KATNAL2: variants seen among roughly 807,000 people sequenced by gnomAD.
KATNAL2 encodes the protein katanin p60 ATPase-containing subunit A-like 2.
Under a neutral mutation model 76.3 loss-of-function variants are expected in KATNAL2, and 52 were observed. That is an observed-to-expected ratio of 0.68 (90% confidence interval 0.55 to 0.86). The LOEUF (loss-of-function observed/expected upper bound fraction) is 0.86. Among genes scored for constraint, KATNAL2 ranks in the 40% least tolerant of loss-of-function variants. The pLI is 0.00. For synonymous variants in KATNAL2, 243 were observed against 244.2 expected (o/e 1.00, Z 0.05); for missense variants, 660 against 668.9 (o/e 0.99, Z 0.15).
At chr18:47,077,598 G>C (rs1255362185) in intron 15 of KATNAL2, 137 bp downstream of exon 15, 3 of 639,776 alleles carry the variant, frequency 4.7e-6, no homozygotes, top group East Asian at 2.8e-5. Context: ...AGGCTTTACT[G>C]TTCAGGTCCC....
intron 3 of KATNAL2, among the ~76,000 whole-genome samples, chr18:46,962,342 G>A (rs2060007597): frequency 9.0e-6 from 1 of 110,550 alleles, no homozygotes; most frequent in South Asian, 3.7e-4. Context: ...AACATTTTGC[G>A]TAGTCGGAGT....
At chr18:47,055,234 G>A (rs2061439375) in intron 6 of KATNAL2, among the ~76,000 whole-genome samples, 1 of 152,190 alleles carries the variant, frequency 6.6e-6, no homozygotes, top group South Asian at 2.1e-4. Context: ...CAGCTCTGGG[G>A]CATCGCAACC....
intron 3 of KATNAL2, chr18:47,032,897 C>T: frequency 1.9e-6 from 3 of 1,593,230 alleles, no homozygotes; most frequent in Non-Finnish European, 2.6e-6. Flanking sequence ...AACTTTGCAC[C>T]AAGTTAAAGG....
intron 3 of KATNAL2, among the ~76,000 whole-genome samples, chr18:46,961,316 G>A (rs577831159): frequency 3.8e-4 from 58 of 152,286 alleles, no homozygotes; most frequent in African/African-American, 1.4e-3. Context: ...AGCAGGAGAA[G>A]TGGTGGTCCC....
chr18:46,955,538 CTTCT>C (rs987157359), intron 3 of KATNAL2, among the ~76,000 whole-genome samples: 2 of 151,216 alleles, frequency 1.3e-5, no homozygotes, highest in Non-Finnish European at 1.5e-5. Context: ...TCCTTCCTTC[CTTCT>C]TTATTTCTTT....
At chr18:47,059,509 C>A in intron 7 of KATNAL2, 47 bp from the exon 8 acceptor site, 1 of 1,361,864 alleles carries the variant, frequency 7.3e-7, no homozygotes, top group South Asian at 1.2e-5. Flanking sequence ...TCCAGCAACT[C>A]TCCATGGCTG....
intron 15 of KATNAL2, among the ~76,000 whole-genome samples, chr18:47,089,064 G>A (rs1161911405): frequency 1.3e-5 from 2 of 152,114 alleles, no homozygotes; most frequent in African/African-American, 2.4e-5. Flanking sequence ...GGGCCTTGAC[G>A]CCACCTCCCA....
rs2059688964 is a variant in KATNAL2 at position 46,955,132 on chromosome 18, T to TTA, written c.51+8210_51+8211insAT. On this transcript the variant is annotated intron_variant, in intron 3 of 17. Transcript: ENST00000683218. ...CTTCCTTCCTTTTGTCTTTCTTTCT[T>TTA]TCTCTCTCTCTTTCTTTCTTTCTTT... 3.0e-5 allele frequency among the ~76,000 whole-genome samples: 4 copies of TTA among 131,686 alleles called. No homozygotes were observed. In the Admixed American group the frequency reaches 3.1e-4, roughly 10 times the overall value. The allele number at this position is 131,686 out of a possible 152,430, so 86.4% of individuals were successfully genotyped here.
intron 3 of KATNAL2, 192 bp from the exon 4 acceptor site, chr18:47,046,265 T>G: frequency 1.7e-6 from 1 of 578,286 alleles, no homozygotes. Context: ...AGTTTACAAT[T>G]GAGAAGGCAG....
At chr18:47,032,341 A>C (rs1010213432) in intron 3 of KATNAL2, among the ~76,000 whole-genome samples, 9 of 152,212 alleles carry the variant, frequency 5.9e-5, no homozygotes, top group Non-Finnish European at 1.0e-4. Flanking sequence ...CTACTTGCCC[A>C]GCTCAGGCAA....
chr18:46,920,467 T>C (rs962452661), intron 1 of KATNAL2, among the ~76,000 whole-genome samples: 2 of 152,176 alleles, frequency 1.3e-5, no homozygotes, highest in Admixed American at 1.3e-4. Context: ...AATCTCAGCA[T>C]TGACTTTGAT....
At chr18:47,044,255 G>T (rs963364408) in intron 3 of KATNAL2, among the ~76,000 whole-genome samples, 11 of 152,150 alleles carry the variant, frequency 7.2e-5, no homozygotes, top group African/African-American at 2.7e-4. Context: ...ACAAATTTGT[G>T]TTGGGCCACA....
At chr18:47,069,633 G>T in intron 13 of KATNAL2, 33 bp downstream of exon 13, 1 of 1,456,120 alleles carries the variant, frequency 6.9e-7, no homozygotes, top group Non-Finnish European at 9.6e-7. Context: ...TTAAAAATAA[G>T]TTCTAGTGTA....
At chr18:47,031,969 A>T (rs776255967) in intron 3 of KATNAL2, among the ~76,000 whole-genome samples, 33 of 152,314 alleles carry the variant, frequency 2.2e-4, no homozygotes, top group Non-Finnish European at 4.1e-4. Context: ...CTGCTTTATA[A>T]TGAAAAGTTT....
intron 1 of KATNAL2, among the ~76,000 whole-genome samples, chr18:46,928,777 G>A (rs1345747926): frequency 6.6e-6 from 1 of 152,030 alleles, no homozygotes; most frequent in Non-Finnish European, 1.5e-5. Context: ...CCTCCCACCA[G>A]AAACAACTTT....
chr18:47,053,950 C>T (rs1324075223), intron 5 of KATNAL2, among the ~76,000 whole-genome samples: 6 of 152,154 alleles, frequency 3.9e-5, no homozygotes, highest in Admixed American at 3.9e-4. Context: ...AGCATGATAC[C>T]CAAATTCTCC....
intron 3 of KATNAL2, among the ~76,000 whole-genome samples, chr18:46,960,582 A>G (rs911464991): frequency 4.6e-5 from 7 of 152,348 alleles, no homozygotes; most frequent in South Asian, 2.1e-4. Flanking sequence ...TTGGCTGAAT[A>G]CTGAGCTGCA....
At chr18:46,934,659 T>C (rs1402095745) in intron 1 of KATNAL2, among the ~76,000 whole-genome samples, 2 of 152,192 alleles carry the variant, frequency 1.3e-5, no homozygotes, top group Non-Finnish European at 2.9e-5. Flanking sequence ...TTAATTAGAT[T>C]CCATTTGTCA....
At chr18:46,961,177 C>A (rs2059931671) in intron 3 of KATNAL2, among the ~76,000 whole-genome samples, 1 of 152,142 alleles carries the variant, frequency 6.6e-6, no homozygotes, top group South Asian at 2.1e-4. Context: ...ACTACAAGGA[C>A]CAGGTGGTGG....
Sources: gnomAD v4.1 joint callset for allele counts (sites outside exome capture counted in the v4.1 genomes callset) on GRCh38, gnomAD v4.1.1 for gene constraint, MANE v1.5 for transcripts, NCBI Gene and HGNC (gene_info 2026-07-23, HGNC 2026-07-21) for gene names.